EXOC6B: variants seen among roughly 807,000 people sequenced by gnomAD.
EXOC6B encodes SEC15 homolog B.
A neutral mutation model predicts 113.5 loss-of-function variants in EXOC6B; 54 were observed. The ratio of observed to expected loss-of-function variants is 0.48; its 90% confidence interval spans 0.38 to 0.60. The LOEUF is 0.60. Ranked by LOEUF, EXOC6B falls within the 20% of genes least tolerant of loss-of-function variation. The pLI is 0.00. For missense variants in EXOC6B, 797 were observed against 977.5 expected (o/e 0.82, Z 2.46); for synonymous variants, 357 against 339.0 (o/e 1.05, Z -0.58).
chr2:72,769,461 A>G (rs1257527932), intron 1 of EXOC6B, among the ~76,000 whole-genome samples: 2 of 152,192 alleles, frequency 1.3e-5, no homozygotes, highest in African/African-American at 2.4e-5. Flanking sequence ...ATATTAATTT[A>G]TATTATACTC....
At chr2:72,644,055 G>T (rs1673488063) in intron 6 of EXOC6B, among the ~76,000 whole-genome samples, 1 of 152,042 alleles carries the variant, frequency 6.6e-6, no homozygotes, top group Non-Finnish European at 1.5e-5. Flanking sequence ...TTGAAAAAAG[G>T]TTAGACGAAT....
chr2:72,522,287 G>A (rs1701533140), intron 8 of EXOC6B, among the ~76,000 whole-genome samples: 2 of 151,984 alleles, frequency 1.3e-5, no homozygotes, highest in South Asian at 4.1e-4. Flanking sequence ...CACACCCTAT[G>A]TACTACCTGG....
At chr2:72,403,944 G>C (rs1693536233) in intron 18 of EXOC6B, among the ~76,000 whole-genome samples, 1 of 152,102 alleles carries the variant, frequency 6.6e-6, no homozygotes, top group South Asian at 2.1e-4. Flanking sequence ...AGGGGTCAGG[G>C]AATTCCCTTT....
At chr2:72,639,472 G>A (rs1279748204) in intron 6 of EXOC6B, among the ~76,000 whole-genome samples, 1 of 152,146 alleles carries the variant, frequency 6.6e-6, no homozygotes, top group Non-Finnish European at 1.5e-5. Flanking sequence ...GGTGAATGCC[G>A]GCATGGAGGC....
In EXOC6B at chr2:72,419,908, T is replaced by C. The variant is rs547567786; in HGVS notation, c.1981-40038A>G. ...CTACTTTCCCCTTTCTCTCTTTTCC[T>C]TCTGGGGTACAACAATGTGCATAAT... On this transcript the variant is annotated intron_variant, in intron 18 of 21. Transcript: ENST00000272427. Among the ~76,000 whole-genome samples the C allele has an allele frequency of 7.9e-4, 121 of 152,278 alleles. 1 individual carries two copies. Among genetic ancestry groups the C allele is most frequent in the African/African-American group, 9.6e-4 (40 of 41,570 alleles).
chr2:72,594,947 C>T (rs888693072), intron 6 of EXOC6B, among the ~76,000 whole-genome samples: 1 of 152,012 alleles, frequency 6.6e-6, no homozygotes, highest in African/African-American at 2.4e-5. Context: ...ATTAACATTC[C>T]CATTCAAAGA....
chr2:72,537,453 CAA>C (rs74620661), intron 8 of EXOC6B, among the ~76,000 whole-genome samples: 6 of 74,168 alleles, frequency 8.1e-5, no homozygotes, highest in Non-Finnish European at 1.2e-4. Context: ...ACAAAAAATA[CAA>C]AAAAAAAAAA....
At chr2:72,558,961 G>C (rs546480273) in intron 8 of EXOC6B, among the ~76,000 whole-genome samples, 1 of 152,044 alleles carries the variant, frequency 6.6e-6, no homozygotes, top group Non-Finnish European at 1.5e-5. Flanking sequence ...CTTACTTTCT[G>C]TGTATCTATG....
intron 20 of EXOC6B, among the ~76,000 whole-genome samples, chr2:72,285,871 T>C (rs1685392447): frequency 6.6e-6 from 1 of 152,002 alleles, no homozygotes; most frequent in Non-Finnish European, 1.5e-5. Context: ...TGGCATAAAA[T>C]AAGCATATTA....
intron 6 of EXOC6B, among the ~76,000 whole-genome samples, chr2:72,664,344 C>G (rs1675237760): frequency 6.6e-6 from 1 of 152,032 alleles, no homozygotes. Context: ...AGCTAGGATC[C>G]CAGCACGGAG....
At chr2:72,182,604 T>G (rs1356495262) in intron 21 of EXOC6B, among the ~76,000 whole-genome samples, 1 of 151,872 alleles carries the variant, frequency 6.6e-6, no homozygotes, top group Non-Finnish European at 1.5e-5. Flanking sequence ...GCAAGAGTAT[T>G]GAGTGTGCCA....
chr2:72,453,987 A>AG (rs1295679860), intron 18 of EXOC6B, among the ~76,000 whole-genome samples: 1 of 152,174 alleles, frequency 6.6e-6, no homozygotes, highest in Non-Finnish European at 1.5e-5. Context: ...TGCTGAGAGA[A>AG]GGGGGAAGCC....
At chr2:72,230,950 G>A (rs145758842) in intron 20 of EXOC6B, among the ~76,000 whole-genome samples, 14 of 152,224 alleles carry the variant, frequency 9.2e-5, no homozygotes, top group African/African-American at 2.4e-4. Flanking sequence ...TTTTAAAAAC[G>A]TCAAAAGAAA....
Position 72,254,159 on chromosome 2 carries a change from C to CA in EXOC6B, c.2197-69973dup, listed in dbSNP as rs1330446873. On this transcript the variant is annotated intron_variant, in intron 20 of 21. Transcript: ENST00000272427. ...TGGGCGACAAAGCAAGACTCTGTCT[C>CA]AAAAAAAAAAAGATATGTTCAAGTC... 1.4e-3 allele frequency among the ~76,000 whole-genome samples: 203 copies of CA among 143,052 alleles called. 1 individual carries two copies. Among genetic ancestry groups the CA allele is most frequent in the Middle Eastern group, 3.6e-3 (1 of 280 alleles). 93.8% of individuals were successfully genotyped at this position (143,052 alleles called of 152,430 possible).
chr2:72,422,981 C>A (rs962787389), intron 18 of EXOC6B, among the ~76,000 whole-genome samples: 1 of 152,152 alleles, frequency 6.6e-6, no homozygotes, highest in Non-Finnish European at 1.5e-5. Context: ...GCATTGGCAA[C>A]CTGCTCGGGT....
chr2:72,213,430 A>T (rs1395135088), intron 20 of EXOC6B, among the ~76,000 whole-genome samples: 2 of 134,116 alleles, frequency 1.5e-5, no homozygotes, highest in Non-Finnish European at 3.5e-5. Context: ...AAATTCTAGG[A>T]AAAGGAGAGA....
At chr2:72,782,299 A>G (rs919269827) in intron 1 of EXOC6B, among the ~76,000 whole-genome samples, 1 of 152,192 alleles carries the variant, frequency 6.6e-6, no homozygotes, top group African/African-American at 2.4e-5. Flanking sequence ...GCCATTCCTC[A>G]AAACTCAGTT....
At position 72,404,376 on chromosome 2, in the gene EXOC6B, C is replaced by T. The variant is rs534716423; in HGVS notation, c.1981-24506G>A. Among the ~76,000 whole-genome samples, 235 of 152,318 alleles carry T rather than the reference C, an allele frequency of 1.5e-3. 3 individuals carry two copies. The highest frequency in any genetic ancestry group is 1.3e-3 in the Non-Finnish European group (87 of 68,028). On this transcript the variant is annotated intron_variant, in intron 18 of 21. Coordinates refer to ENST00000272427, the MANE Select transcript of EXOC6B (RefSeq NM_015189.3). ...GAAGAGAGTAGTGGTTCTCCCAGCA[C>T]GCAGCTGGAGATCTGAGAATGGACA...
chr2:72,576,965 T>C (rs1292873560), intron 6 of EXOC6B, among the ~76,000 whole-genome samples: 1 of 152,056 alleles, frequency 6.6e-6, no homozygotes, highest in Non-Finnish European at 1.5e-5. Context: ...ATCTTCTGCA[T>C]AAGGTTAATG....
Sources: allele counts gnomAD v4.1 joint callset (sites outside exome capture counted in the v4.1 genomes callset), GRCh38; gene constraint gnomAD v4.1.1; transcripts MANE v1.5; gene names NCBI Gene and HGNC (gene_info 2026-07-23, HGNC 2026-07-21).